The following USP47 variants were observed in gnomAD, a reference collection of about 807,000 sequenced individuals.
USP47 encodes the protein ubiquitin specific peptidase 47, also known as ubiquitin carboxyl-terminal hydrolase 47.
Under a neutral mutation model 165.1 loss-of-function variants are expected in USP47, and 35 were observed. That is an observed-to-expected ratio of 0.21 (90% CI 0.16 to 0.28). The LOEUF (loss-of-function observed/expected upper bound fraction) is 0.28. Among genes scored for constraint, USP47 ranks in the 10% least tolerant of loss-of-function variants. The probability of loss-of-function intolerance (pLI) is 1.00; values close to 1 mark genes in which losing one functional copy is unlikely to be tolerated. For synonymous variants in USP47, 531 were observed against 544.5 expected (o/e 0.98, Z 0.35); for missense variants, 1,277 against 1,607.4 (o/e 0.79, Z 3.52).
intron 5 of USP47, among the ~76,000 whole-genome samples, chr11:11,898,054 A>T (rs1380508676): frequency 1.3e-5 from 2 of 152,104 alleles, no homozygotes; most frequent in African/African-American, 4.8e-5. Context: ...CAATTTAAGT[A>T]TCCAAAGTTT....
At chr11:11,877,618 C>T (rs1019027616) in intron 1 of USP47, among the ~76,000 whole-genome samples, 2 of 151,774 alleles carry the variant, frequency 1.3e-5, no homozygotes, top group Admixed American at 6.6e-5. Flanking sequence ...ATTATTAATC[C>T]GTATACTAAC....
chr11:11,925,031 C>A (rs1377861659), intron 11 of USP47, among the ~76,000 whole-genome samples: 2 of 150,978 alleles, frequency 1.3e-5, no homozygotes, highest in Admixed American at 1.3e-4. Flanking sequence ...ATTAAGTCTT[C>A]CAGTTCATGA....
chr11:11,899,220 G>A lies in USP47; in HGVS notation c.593+1527G>A, dbSNP rs951628552. On this transcript the variant is annotated intron_variant, in intron 5 of 27. Transcript: ENST00000527733. ...CTGCTCTCAAAACTAGCACAGACCA[G>A]ATCGTTGGACAATGTGCCTGTTTTA... 2.0e-5 allele frequency among the ~76,000 whole-genome samples: 3 copies of A among 152,194 alleles called. No homozygotes were observed. In the East Asian group the frequency reaches 5.8e-4, roughly 29 times the overall value.
At chr11:11,861,779 A>G (rs117747453) in intron 1 of USP47, among the ~76,000 whole-genome samples, 1,787 of 152,296 alleles carry the variant, frequency 0.012, 13 homozygotes, top group Middle Eastern at 0.02. Context: ...TACTTTATCC[A>G]AGTCAGCCTA....
intron 1 of USP47, among the ~76,000 whole-genome samples, chr11:11,857,437 T>C (rs1230753839): frequency 6.6e-6 from 1 of 152,182 alleles, no homozygotes; most frequent in East Asian, 1.9e-4. Flanking sequence ...TAAATTCGTA[T>C]GTCTTGAAAT....
intron 1 of USP47, among the ~76,000 whole-genome samples, chr11:11,864,891 C>G (rs11828226): frequency 0.023 from 3,502 of 152,124 alleles, 135 homozygotes; most frequent in African/African-American, 0.078. Flanking sequence ...CTTGATTTCT[C>G]TATGATTCCT....
intron 16 of USP47, among the ~76,000 whole-genome samples, chr11:11,934,511 G>C (rs1009572239): frequency 1.2e-4 from 19 of 152,204 alleles, no homozygotes; most frequent in African/African-American, 4.3e-4. Context: ...AGTCAGATGC[G>C]TTACCCATTC....
chr11:11,869,691 C>T (rs907159472), intron 1 of USP47, among the ~76,000 whole-genome samples: 3 of 152,120 alleles, frequency 2.0e-5, no homozygotes, highest in Middle Eastern at 3.4e-3. Flanking sequence ...GAATGCTTGC[C>T]GTCTTCAAAA....
At chr11:11,905,003 A>C (rs1852459795) in intron 7 of USP47, among the ~76,000 whole-genome samples, 1 of 152,048 alleles carries the variant, frequency 6.6e-6, no homozygotes, top group African/African-American at 2.4e-5. Context: ...AATTATTAAC[A>C]TGCTTAAAGT....
At chr11:11,917,623 G>T (rs1400135445) in intron 8 of USP47, among the ~76,000 whole-genome samples, 1 of 109,040 alleles carries the variant, frequency 9.2e-6, no homozygotes, top group Non-Finnish European at 1.7e-5. Flanking sequence ...GACACTGAAA[G>T]CTTAAGAAAG....
chr11:11,897,295 GCCAGTA>G (rs1218735568), intron 4 of USP47, among the ~76,000 whole-genome samples: 1 of 151,646 alleles, frequency 6.6e-6, no homozygotes, highest in Non-Finnish European at 1.5e-5. Flanking sequence ...TTATGTCTAT[GCCAGTA>G]ACACATACTT....
rs746754930 is a variant in USP47, at chr11:11,940,550, T to TA, written c.2313+3dup. ...GAAGGATTTTTTAGAAGTAACAAGG[T>TA]ATGTCATTTACTTTTTCATTACTAT... is the stretch of plus-strand genomic sequence containing the variant. On this transcript the variant is annotated splice_region_variant and intron_variant, in intron 19 of 27. Transcript: ENST00000527733. The TA allele has an allele frequency of 1.2e-6, 2 of 1,610,546 alleles. No homozygotes were observed. Among genetic ancestry groups the TA allele is most frequent in the Non-Finnish European group, 1.7e-6 (2 of 1,177,910 alleles).
chr11:11,933,166 G>A (rs1187935033), intron 15 of USP47, 50 bp downstream of exon 15: 15 of 1,441,284 alleles, frequency 1.0e-5, no homozygotes, highest in African/African-American at 1.4e-5. Context: ...TTTTAAGCTC[G>A]CTTACCTGCA....
At chr11:11,859,954 A>G (rs1269491259) in intron 1 of USP47, among the ~76,000 whole-genome samples, 4 of 151,908 alleles carry the variant, frequency 2.6e-5, no homozygotes, top group Non-Finnish European at 5.9e-5. Context: ...AAATACAAAA[A>G]TTAGCTGGGA....
At chr11:11,896,601 C>G (rs921265830) in intron 4 of USP47, among the ~76,000 whole-genome samples, 1 of 152,172 alleles carries the variant, frequency 6.6e-6, no homozygotes, top group Admixed American at 6.5e-5. Flanking sequence ...ACATTGCCCT[C>G]TCATGTGCAT....
At chr11:11,858,784 C>G (rs1355962882) in intron 1 of USP47, among the ~76,000 whole-genome samples, 1 of 152,168 alleles carries the variant, frequency 6.6e-6, no homozygotes, top group African/African-American at 2.4e-5. Context: ...CACAGTTTAT[C>G]CATTTACCAG....
At chr11:11,916,268 T>C (rs1853411303) in intron 8 of USP47, among the ~76,000 whole-genome samples, 1 of 152,148 alleles carries the variant, frequency 6.6e-6, no homozygotes, top group African/African-American at 2.4e-5. Context: ...GGCAACGTGG[T>C]GAGATCCTGT....
At chr11:11,864,126 A>G (rs1849535760) in intron 1 of USP47, among the ~76,000 whole-genome samples, 1 of 152,120 alleles carries the variant, frequency 6.6e-6, no homozygotes, top group Non-Finnish European at 1.5e-5. Flanking sequence ...ATATGTATGT[A>G]TATATCCACT....
chr11:11,843,751 C>T (rs572826865), intron 1 of USP47, among the ~76,000 whole-genome samples: 8 of 152,248 alleles, frequency 5.3e-5, no homozygotes, highest in African/African-American at 1.9e-4. Context: ...TTATAGAAAA[C>T]ATGATATGAT....
Sources: gnomAD v4.1 joint callset for allele counts (sites outside exome capture counted in the v4.1 genomes callset) on GRCh38, gnomAD v4.1.1 for gene constraint, MANE v1.5 for transcripts, NCBI Gene and HGNC (gene_info 2026-07-23, HGNC 2026-07-21) for gene names.